Variants in FBN2 observed in about 807,000 individuals in gnomAD.
FBN2 encodes fibrillin 2.
Under a neutral mutation model 355.6 loss-of-function variants are expected in FBN2, and 105 were observed. The observed-to-expected ratio is 0.30, with a 90% CI of 0.25 to 0.35. FBN2 has a LOEUF of 0.35. Ranked by LOEUF, FBN2 falls within the 10% of genes least tolerant of loss-of-function variation. The pLI, the probability that FBN2 is intolerant of heterozygous loss-of-function variation, is 1.00. For synonymous variants in FBN2, 1,350 were observed against 1,301.2 expected (o/e 1.04, Z -0.81); for missense variants, 3,280 against 3,758.7 (o/e 0.87, Z 3.33).
chr5:128,453,870 A>G (rs1754318885), intron 6 of FBN2, among the ~76,000 whole-genome samples: 1 of 152,112 alleles, frequency 6.6e-6, no homozygotes. Context: ...TGTGACTCTT[A>G]TATTTACAGA....
chr5:128,330,834 T>A (rs1397099626), intron 32 of FBN2, 139 bp from the exon 33 acceptor site: 1 of 970,600 alleles, frequency 1.0e-6, no homozygotes, highest in Non-Finnish European at 1.6e-6. Context: ...TCTAATTCGC[T>A]AAGCTCTCAG....
intron 34 of FBN2, among the ~76,000 whole-genome samples, chr5:128,322,553 A>G (rs1750410606): frequency 1.3e-5 from 2 of 152,024 alleles, no homozygotes; most frequent in Non-Finnish European, 2.9e-5. Flanking sequence ...TCCTCTCCCC[A>G]TTGCTTGTTT....
chr5:128,409,550 G>A (rs1753012603), intron 7 of FBN2, among the ~76,000 whole-genome samples: 1 of 152,164 alleles, frequency 6.6e-6, no homozygotes, highest in Non-Finnish European at 1.5e-5. Context: ...TTCTAGTTCA[G>A]TAAGCAGAGA....
At position 128,339,015 on chromosome 5, in the gene FBN2, G is replaced by T. The variant is rs770723727; in HGVS notation, c.3390C>A (p.Ile1130=). 13 of 1,613,944 alleles carry T rather than the reference G, an allele frequency of 8.1e-6. No individual in the cohort carries two copies. Among genetic ancestry groups the T allele is most frequent in the Non-Finnish European group, 1.1e-5 (13 of 1,179,830 alleles). The change falls in exon 26 of 65, where the codon ATC becomes ATA. Residue 1130 remains isoleucine (I), a synonymous_variant. Coordinates refer to ENST00000262464, the MANE Select transcript of FBN2 (RefSeq NM_001999.4). ...RISPDLCGSG[I]CVNTPGSFEC... is the part of the protein sequence containing the mutation. ...CAAAGCTGCCCGGTGTATTGACGCAGATTCCACTGCCACAGAGGTCAGGAG... is the reference window on the plus strand; with the variant it reads ...CAAAGCTGCCCGGTGTATTGACGCATATTCCACTGCCACAGAGGTCAGGAG...
intron 9 of FBN2, among the ~76,000 whole-genome samples, chr5:128,394,798 ATTT>A (rs1329916481): frequency 6.6e-6 from 1 of 152,070 alleles, no homozygotes; most frequent in Admixed American, 6.5e-5. Flanking sequence ...ATATACATAT[ATTT>A]TTGAGACAGG....
intron 48 of FBN2, among the ~76,000 whole-genome samples, chr5:128,295,353 T>A (rs1308825606): frequency 6.6e-6 from 1 of 151,502 alleles, no homozygotes; most frequent in East Asian, 1.9e-4. Context: ...TTTAAAGTAG[T>A]TTTTTCCAAT....
At chr5:128,408,349 C>T (rs765138562) in intron 8 of FBN2, among the ~76,000 whole-genome samples, 2 of 152,136 alleles carry the variant, frequency 1.3e-5, no homozygotes, top group Non-Finnish European at 2.9e-5. Context: ...TAATAACATT[C>T]ATGATTCATA....
intron 7 of FBN2, among the ~76,000 whole-genome samples, chr5:128,434,414 A>ATG: frequency 7.4e-6 from 1 of 135,922 alleles, no homozygotes; most frequent in African/African-American, 3.1e-5. Flanking sequence ...ATATATATAT[A>ATG]TATATATATA....
intron 22 of FBN2, 148 bp from the exon 23 acceptor site, chr5:128,349,620 C>T: frequency 1.9e-6 from 2 of 1,033,660 alleles, no homozygotes; most frequent in Non-Finnish European, 2.9e-6. Context: ...CACAACCGAG[C>T]CACCCGCTTT....
intron 58 of FBN2, among the ~76,000 whole-genome samples, chr5:128,277,015 G>A (rs979121236): frequency 2.0e-5 from 3 of 151,978 alleles, no homozygotes; most frequent in Non-Finnish European, 4.4e-5. Context: ...TATAACATAC[G>A]GCGTTGATGC....
At chr5:128,466,698 G>A (rs1353777353) in intron 5 of FBN2, among the ~76,000 whole-genome samples, 1 of 152,180 alleles carries the variant, frequency 6.6e-6, no homozygotes, top group Non-Finnish European at 1.5e-5. Context: ...TTGTTACTCT[G>A]CAGCTGAACT....
chr5:128,375,570 A>G (rs1752058206), intron 14 of FBN2, among the ~76,000 whole-genome samples: 1 of 152,228 alleles, frequency 6.6e-6, no homozygotes, highest in African/African-American at 2.4e-5. Context: ...TCAGAAACAT[A>G]AGAATTCAGT....
chr5:128,347,182 CA>C, intron 23 of FBN2, among the ~76,000 whole-genome samples: 1 of 152,108 alleles, frequency 6.6e-6, no homozygotes, highest in Admixed American at 6.6e-5. Context: ...AAGCTCAAGA[CA>C]AACTAAAAAT....
At chr5:128,456,878 A>G (rs1424104298) in intron 6 of FBN2, among the ~76,000 whole-genome samples, 2 of 152,194 alleles carry the variant, frequency 1.3e-5, no homozygotes, top group Non-Finnish European at 2.9e-5. Flanking sequence ...AAAACACAAA[A>G]GGCCAGAGTG....
chr5:128,378,508 C>T (rs1252106300), intron 12 of FBN2, among the ~76,000 whole-genome samples: 1 of 152,038 alleles, frequency 6.6e-6, no homozygotes, highest in Non-Finnish European at 1.5e-5. Flanking sequence ...GAGAAGGTTA[C>T]TGATGTTATC....
chr5:128,537,274 C>A (rs755832483), intron 1 of FBN2, 76 bp downstream of exon 1: 38 of 1,588,336 alleles, frequency 2.4e-5, no homozygotes, highest in Non-Finnish European at 2.6e-5. Context: ...ACGGAGTGGG[C>A]CAGAAAGCCG....
rs747333097 is a variant in FBN2 at position 128,332,958 on chromosome 5, C to T, written c.4176G>A (p.Lys1392=). Residue 1392 remains lysine (K), a synonymous_variant, in exon 32 of 65, where the codon AAG becomes AAA. Coordinates refer to ENST00000262464, the MANE Select transcript of FBN2 (RefSeq NM_001999.4). Reference sequence around the variant, plus strand: ...CAATCCAGCCTTCTCTGCAGCTACACTTGAAGCTTCCTGGGATATTCAGAC... The same window carrying T: ...CAATCCAGCCTTCTCTGCAGCTACATTTGAAGCTTCCTGGGATATTCAGAC... ...ASCLNIPGSF[K]CSCREGWIGN... 1.2e-6 allele frequency: 2 copies of T among 1,613,824 alleles called. No homozygotes were observed. Among genetic ancestry groups the T allele is most frequent in the East Asian group, 2.2e-5 (1 of 44,872 alleles).
intron 5 of FBN2, among the ~76,000 whole-genome samples, chr5:128,482,619 C>T (rs1178868677): frequency 6.6e-6 from 1 of 151,970 alleles, no homozygotes; most frequent in African/African-American, 2.4e-5. Flanking sequence ...GCATGTGTGT[C>T]TGCATTTAGA....
At chr5:128,414,491 T>C (rs1753146848) in intron 7 of FBN2, among the ~76,000 whole-genome samples, 1 of 152,218 alleles carries the variant, frequency 6.6e-6, no homozygotes. Flanking sequence ...TAATATTCTA[T>C]TGTATGGATA....
Sources: allele counts gnomAD v4.1 joint callset (sites outside exome capture counted in the v4.1 genomes callset), GRCh38; gene constraint gnomAD v4.1.1; transcripts MANE v1.5; gene names NCBI Gene and HGNC (gene_info 2026-07-23, HGNC 2026-07-21).